The following EPHA5 variants were observed in gnomAD, a reference collection of about 807,000 sequenced individuals.
EPHA5 encodes the protein EPH receptor A5.
In EPHA5, 60 loss-of-function variants were observed where a neutral mutation model predicts 105.0. The ratio of observed to expected loss-of-function variants is 0.57; its 90% CI spans 0.46 to 0.71. The LOEUF (loss-of-function observed/expected upper bound fraction) is 0.71. Ranked by LOEUF, EPHA5 falls within the 30% of genes least tolerant of loss-of-function variation. The pLI, the probability that EPHA5 is intolerant of heterozygous loss-of-function variation, is 0.00. For missense variants in EPHA5, 1,218 were observed against 1,274.7 expected (o/e 0.96, Z 0.68); for synonymous variants, 513 against 449.1 (o/e 1.14, Z -1.80).
At chr4:65,517,659 C>T (rs753576458) in intron 3 of EPHA5, among the ~76,000 whole-genome samples, 9 of 151,764 alleles carry the variant, frequency 5.9e-5, no homozygotes, top group Non-Finnish European at 1.2e-4. Context: ...TTAATCTTGT[C>T]TTCCTAGCTC....
At chr4:65,575,850 G>A (rs757464433) in intron 3 of EPHA5, among the ~76,000 whole-genome samples, 36 of 151,300 alleles carry the variant, frequency 2.4e-4, no homozygotes, top group Admixed American at 1.4e-3. Flanking sequence ...AGTGATGGGC[G>A]CCTGTAATCC....
intron 5 of EPHA5, among the ~76,000 whole-genome samples, chr4:65,455,311 T>C (rs1332093169): frequency 6.6e-6 from 1 of 152,140 alleles, no homozygotes; most frequent in African/African-American, 2.4e-5. Context: ...TTCTTTCTTC[T>C]TGTTAGTGGG....
chr4:65,394,391 T>C (rs917589209), intron 8 of EPHA5, among the ~76,000 whole-genome samples: 2 of 152,190 alleles, frequency 1.3e-5, no homozygotes, highest in Non-Finnish European at 2.9e-5. Context: ...GGGTTCATGG[T>C]CCAGGCCCTT....
In EPHA5 at chr4:65,495,397, C is replaced by T. The variant is rs749407771; in HGVS notation, c.1057G>A (p.Ala353Thr). 1 of 1,612,122 alleles carries T rather than the reference C, an allele frequency of 6.2e-7. No individual in the cohort carries two copies. Among genetic ancestry groups the T allele is most frequent in the Non-Finnish European group, 8.5e-7 (1 of 1,179,214 alleles). The change falls in exon 4 of 17, where the codon GCA becomes ACA. Residue 353 changes from alanine to threonine, a missense_variant. Physicochemically the swap from Ala to Thr is moderately conservative, Grantham distance 58 (BLOSUM62 0). Transcript: ENST00000613740. ...CCGTGGGTTTCCTTACTTGTGCATG[C>T]CATTGTGGGTGGATCAGACTCTCTC... is the stretch of plus-strand genomic sequence containing the variant. Reference protein sequence around the residue: ...FRRESDPPTMACTRPPSAPRN... With the variant: ...FRRESDPPTMTCTRPPSAPRN...
chr4:65,348,297 G>T, intron 13 of EPHA5, 94 bp from the exon 14 acceptor site: 3 of 1,142,714 alleles, frequency 2.6e-6, no homozygotes, highest in Non-Finnish European at 3.7e-6. Flanking sequence ...CAGAGATGTA[G>T]CATTTTTAAG....
At chr4:65,665,634 G>A (rs1749902739) in intron 1 of EPHA5, among the ~76,000 whole-genome samples, 1 of 151,976 alleles carries the variant, frequency 6.6e-6, no homozygotes, top group Admixed American at 6.6e-5. Flanking sequence ...AATATTACAA[G>A]AAGAATATTT....
At chr4:65,426,946 T>A (rs1724496610) in intron 5 of EPHA5, among the ~76,000 whole-genome samples, 1 of 152,032 alleles carries the variant, frequency 6.6e-6, no homozygotes, top group African/African-American at 2.4e-5. Flanking sequence ...AATAGTAAAA[T>A]GAGTAAACAA....
intron 3 of EPHA5, among the ~76,000 whole-genome samples, chr4:65,510,292 A>T (rs1329173219): frequency 1.3e-5 from 2 of 150,284 alleles, no homozygotes; most frequent in East Asian, 3.9e-4. Context: ...TGATCAGCCC[A>T]CCTCGGCCTC....
chr4:65,560,117 C>A (rs1473969368), intron 3 of EPHA5, among the ~76,000 whole-genome samples: 1 of 151,894 alleles, frequency 6.6e-6, no homozygotes, highest in Non-Finnish European at 1.5e-5. Context: ...TTTATTGAAC[C>A]CTGGAACCTA....
chr4:65,577,460 C>T (rs1456681768), intron 3 of EPHA5, among the ~76,000 whole-genome samples: 1 of 151,914 alleles, frequency 6.6e-6, no homozygotes, highest in East Asian at 1.9e-4. Context: ...GTAATAGTAG[C>T]TTATATAGTA....
At chr4:65,369,653 C>T (rs1360727018) in intron 8 of EPHA5, among the ~76,000 whole-genome samples, 1 of 152,048 alleles carries the variant, frequency 6.6e-6, no homozygotes, top group African/African-American at 2.4e-5. Flanking sequence ...CCCAATCCAT[C>T]TTTCATCATT....
chr4:65,421,726 T>G (rs1041708416), intron 5 of EPHA5, among the ~76,000 whole-genome samples: 6 of 152,236 alleles, frequency 3.9e-5, no homozygotes, highest in Admixed American at 3.9e-4. Context: ...TTAATATGTA[T>G]GCTTCATGAA....
chr4:65,489,468 T>C (rs1201062618), intron 5 of EPHA5, among the ~76,000 whole-genome samples: 8 of 152,210 alleles, frequency 5.3e-5, no homozygotes, highest in Non-Finnish European at 1.0e-4. Flanking sequence ...ATGACAAGGT[T>C]ACTACACTTT....
intron 5 of EPHA5, among the ~76,000 whole-genome samples, chr4:65,476,152 G>T (rs1729795208): frequency 6.6e-6 from 1 of 151,792 alleles, no homozygotes; most frequent in Admixed American, 6.6e-5. Flanking sequence ...GTGTGTGTGT[G>T]TGTGTGTTAA....
intron 3 of EPHA5, among the ~76,000 whole-genome samples, chr4:65,517,535 T>C (rs1048110619): frequency 1.3e-4 from 20 of 151,908 alleles, no homozygotes; most frequent in Non-Finnish European, 2.7e-4. Flanking sequence ...ATTATTGATA[T>C]AGTTGGATTT....
chr4:65,611,812 T>C (rs1744786440), intron 2 of EPHA5, among the ~76,000 whole-genome samples: 1 of 151,556 alleles, frequency 6.6e-6, no homozygotes, highest in Admixed American at 6.6e-5. Context: ...ACATTAGGGC[T>C]GTTAGCTTTC....
chr4:65,640,405 C>T (rs1435088644), intron 2 of EPHA5, among the ~76,000 whole-genome samples: 3 of 151,558 alleles, frequency 2.0e-5, no homozygotes, highest in South Asian at 2.1e-4. Flanking sequence ...CCTGCCTCAG[C>T]CTCCCGAGTA....
At chr4:65,382,021 G>A (rs1317382390) in intron 8 of EPHA5, among the ~76,000 whole-genome samples, 1 of 151,644 alleles carries the variant, frequency 6.6e-6, no homozygotes. Flanking sequence ...AAATGACTGA[G>A]GTGCACCTTA....
intron 5 of EPHA5, among the ~76,000 whole-genome samples, chr4:65,454,781 C>A (rs181861446): frequency 1.8e-4 from 27 of 152,274 alleles, no homozygotes; most frequent in African/African-American, 4.8e-4. Context: ...AGTGGAAGTG[C>A]ATTCAAAATT....
Sources: gnomAD v4.1 joint callset for allele counts (sites outside exome capture counted in the v4.1 genomes callset) on GRCh38, gnomAD v4.1.1 for gene constraint, MANE v1.5 for transcripts, NCBI Gene and HGNC (gene_info 2026-07-23, HGNC 2026-07-21) for gene names.